ABTB3: variants seen among roughly 807,000 people sequenced by gnomAD.
The protein encoded by ABTB3 is ankyrin repeat and BTB domain containing 3, also known as ankyrin repeat- and BTB/POZ domain-containing protein 3.
the ABTB3 span, among the ~76,000 whole-genome samples, chr12:107,478,122 A>G: frequency 1.9e-4 from 29 of 152,330 alleles, no homozygotes; most frequent in African/African-American, 6.7e-4. Context: ...CTCAACACAC[A>G]GTTCAGAGAG....
chr12:107,482,639 A>AG, the ABTB3 span, among the ~76,000 whole-genome samples: 1 of 151,550 alleles, frequency 6.6e-6, no homozygotes, highest in Admixed American at 6.6e-5. Context: ...TCTGCCCATG[A>AG]TCCCCTTCCT....
chr12:107,347,125 T>A, the ABTB3 span, among the ~76,000 whole-genome samples: 2 of 152,272 alleles, frequency 1.3e-5, no homozygotes, highest in South Asian at 4.2e-4. Flanking sequence ...GGCCACGGAG[T>A]AGCTTTAGCT....
chr12:107,651,253 G>A, the ABTB3 span, among the ~76,000 whole-genome samples: 1 of 152,220 alleles, frequency 6.6e-6, no homozygotes, highest in African/African-American at 2.4e-5. Context: ...GACAGGGCAA[G>A]GAGGAAAGGA....
the ABTB3 span, among the ~76,000 whole-genome samples, chr12:107,343,020 A>T: frequency 1.3e-5 from 2 of 152,176 alleles, no homozygotes; most frequent in African/African-American, 4.8e-5. Context: ...TTATTTAAAA[A>T]TTTTTATTTT....
the ABTB3 span, among the ~76,000 whole-genome samples, chr12:107,549,871 G>A: frequency 6.6e-6 from 1 of 152,134 alleles, no homozygotes. Context: ...TTTTGAAGAG[G>A]CCTTGGAAGC....
chr12:107,648,033 A>T, the ABTB3 span, among the ~76,000 whole-genome samples: 1 of 152,320 alleles, frequency 6.6e-6, no homozygotes, highest in South Asian at 2.1e-4. Context: ...GATTTTGCCC[A>T]CACAGCTGCC....
At chr12:107,516,595 T>C in the ABTB3 span, among the ~76,000 whole-genome samples, 1 of 152,214 alleles carries the variant, frequency 6.6e-6, no homozygotes, top group African/African-American at 2.4e-5. Flanking sequence ...CCTACCCCGT[T>C]GTCTCACCCT....
At chr12:107,336,847 T>TTCAGGACTGCCA in the ABTB3 span, among the ~76,000 whole-genome samples, 1 of 152,214 alleles carries the variant, frequency 6.6e-6, no homozygotes, top group Admixed American at 6.5e-5. Context: ...GAGTATAGTA[T>TTCAGGACTGCCA]GTCCTGAATA....
At chr12:107,581,075 G>A in the ABTB3 span, 2 of 1,545,526 alleles carry the variant, frequency 1.3e-6, no homozygotes, top group Non-Finnish European at 1.7e-6. Flanking sequence ...CCGCGAGCAG[G>A]GGGTGGGGCC....
the ABTB3 span, among the ~76,000 whole-genome samples, chr12:107,655,753 A>G: frequency 4.6e-5 from 7 of 152,278 alleles, no homozygotes; most frequent in Non-Finnish European, 1.5e-5. Context: ...CTTTTTTCCT[A>G]GTAAACCTGT....
the ABTB3 span, among the ~76,000 whole-genome samples, chr12:107,591,865 T>C: frequency 6.6e-6 from 1 of 152,210 alleles, no homozygotes; most frequent in Non-Finnish European, 1.5e-5. Flanking sequence ...AACTTGGAAC[T>C]CTGGGAGGTT....
the ABTB3 span, chr12:107,520,611 G>A: frequency 2.0e-5 from 33 of 1,614,066 alleles, no homozygotes; most frequent in Admixed American, 4.0e-4. Context: ...TGCTGGCCAC[G>A]CGCGTAGGCA....
At chr12:107,639,843 ATCT>A in the ABTB3 span, among the ~76,000 whole-genome samples, 3 of 152,246 alleles carry the variant, frequency 2.0e-5, no homozygotes, top group Non-Finnish European at 1.5e-5. Flanking sequence ...TAGTAGCTAA[ATCT>A]TCTTTATTCT....
the ABTB3 span, among the ~76,000 whole-genome samples, chr12:107,323,744 C>G: frequency 2.0e-5 from 3 of 152,304 alleles, no homozygotes; most frequent in African/African-American, 4.8e-5. Flanking sequence ...GTCTTCCTGG[C>G]TTCCTTGTGA....
At chr12:107,648,653 C>T in the ABTB3 span, among the ~76,000 whole-genome samples, 2 of 152,184 alleles carry the variant, frequency 1.3e-5, no homozygotes, top group Non-Finnish European at 2.9e-5. Context: ...CCCTGGACCC[C>T]TCATGGCTTC....
chr12:107,472,022 A>G, the ABTB3 span, among the ~76,000 whole-genome samples: 1 of 152,130 alleles, frequency 6.6e-6, no homozygotes, highest in South Asian at 2.1e-4. Context: ...GGCTCCTGAT[A>G]CCTCTTGAAT....
At chr12:107,474,229 C>A in the ABTB3 span, among the ~76,000 whole-genome samples, 2 of 152,146 alleles carry the variant, frequency 1.3e-5, no homozygotes, top group African/African-American at 2.4e-5. Context: ...CAGCATGGGG[C>A]TGGAGAGGAG....
the ABTB3 span, among the ~76,000 whole-genome samples, chr12:107,444,088 G>T: frequency 6.6e-6 from 1 of 152,200 alleles, no homozygotes; most frequent in Non-Finnish European, 1.5e-5. Flanking sequence ...GGGTAGAATG[G>T]CCAGCCACAG....
At chr12:107,436,417 C>T in the ABTB3 span, among the ~76,000 whole-genome samples, 1 of 152,206 alleles carries the variant, frequency 6.6e-6, no homozygotes, top group Non-Finnish European at 1.5e-5. Flanking sequence ...GCAGTGAACT[C>T]TGGGGCTGTG....
Sources: gnomAD v4.1 joint callset for allele counts (sites outside exome capture counted in the v4.1 genomes callset) on GRCh38, gnomAD v4.1.1 for gene constraint, MANE v1.5 for transcripts, NCBI Gene and HGNC (gene_info 2026-07-23, HGNC 2026-07-21) for gene names.